Variants in DLL3 observed in about 807,000 individuals in gnomAD.
DLL3 encodes the protein delta like canonical Notch ligand 3, also known as delta-like protein 3.
DLL3 carries 49 observed loss-of-function variants against 55.0 expected under a neutral mutation model. That is an observed-to-expected ratio of 0.89 (90% CI 0.71 to 1.13). DLL3 has a LOEUF of 1.13. Among genes scored for constraint, DLL3 ranks in the 50% most tolerant of loss-of-function variants. DLL3 has a pLI of 0.00. For missense variants in DLL3, 962 were observed against 875.5 expected, an observed-to-expected ratio of 1.10 and a Z score of -1.25; for synonymous variants, 421 against 385.2, an observed-to-expected ratio of 1.09 and a Z score of -1.09.
chr19:39,499,303 A>G lies in DLL3; in HGVS notation c.181A>G (p.Arg61Gly), dbSNP rs1472639734. 4 of 1,544,120 alleles carry G rather than the reference A, an allele frequency of 2.6e-6. No homozygotes were observed. The Admixed American group carries it at 7.8e-5, about 30-fold the overall frequency. Residue 61 changes from arginine to glycine, a missense_variant, in exon 2 of 9, where the codon AGA becomes GGA. Transcript: ENST00000356433. ...CCGGCTCCCCTGCCGCCTCTTCTTC[A>G]GAGTCTGCCTGAAGCCTGGGCTCTC... is the stretch of plus-strand genomic sequence containing the variant. ...SARLPCRLFFRVCLKPGLSEE... is the reference protein window; with the variant it reads ...SARLPCRLFFGVCLKPGLSEE...
rs71647811 is a variant in DLL3, at chr19:39,499,465, G to A, written c.343G>A (p.Ala115Thr). The A allele has an allele frequency of 6.3e-6, 10 of 1,589,836 alleles. No individual in the cohort carries two copies. The highest frequency in any genetic ancestry group is 8.5e-6 in the Non-Finnish European group (10 of 1,175,870). Residue 115 changes from alanine (A) to threonine (T), a missense_variant, in exon 2 of 9, where the codon GCC becomes ACC. Ala to Thr is a moderately conservative substitution (Grantham distance 58, BLOSUM62 0). Coordinates refer to ENST00000356433, the MANE Select transcript of DLL3 (RefSeq NM_203486.3). Reference protein sequence around the residue: ...DGLLQVPFRDAWPGTFSFIIE... With the variant: ...DGLLQVPFRDTWPGTFSFIIE... ...CCTCTTGCAGGTGCCCTTCCGGGAC[G>A]CCTGGCCTGTAAGTGCTGCCCCCGG...
chr19:39,508,058 A>G, intron 8 of DLL3, 144 bp downstream of exon 8: 1 of 1,601,770 alleles, frequency 6.2e-7, no homozygotes, highest in Non-Finnish European at 8.5e-7. Flanking sequence ...TTTCAGTTCT[A>G]ACTTACTTTC....
chr19:39,503,325 C>A (rs2079622230), intron 4 of DLL3, among the ~76,000 whole-genome samples: 1 of 152,210 alleles, frequency 6.6e-6, no homozygotes, highest in Non-Finnish European at 1.5e-5. Context: ...TGCCTTGCTA[C>A]TCGAGCCCCC....
chr19:39,498,956 A>T lies in DLL3; in HGVS notation c.-19A>T, dbSNP rs1555753637. The T allele has an allele frequency of 6.2e-7, 1 of 1,609,788 alleles. No individual in the cohort carries two copies. The highest frequency in any genetic ancestry group is 8.5e-7 in the Non-Finnish European group (1 of 1,178,986). ...GAAGCCAGCAGCTGCGACTCCCGAGACCCCCCCACCAGAAGGCCATGGTCT... is the reference window on the plus strand; with the variant it reads ...GAAGCCAGCAGCTGCGACTCCCGAGTCCCCCCCACCAGAAGGCCATGGTCT... On this transcript the variant is annotated 5_prime_UTR_variant, in exon 1 of 9. Coordinates refer to ENST00000356433, the MANE Select transcript of DLL3 (RefSeq NM_203486.3).
At chr19:39,506,346 G>T (rs1453763801) in intron 6 of DLL3, among the ~76,000 whole-genome samples, 1 of 145,986 alleles carries the variant, frequency 6.8e-6, no homozygotes, top group Non-Finnish European at 1.5e-5. Context: ...CAGCCTGGAC[G>T]ACAGAGCGAG....
chr19:39,508,085 C>G, intron 8 of DLL3, 167 bp from the exon 9 acceptor site: 5 of 1,605,148 alleles, frequency 3.1e-6, no homozygotes, highest in Non-Finnish European at 4.3e-6. Context: ...TTTTGCATCC[C>G]TCTTATCGTT....
At chr19:39,507,008 A>C (rs1193881210) in intron 6 of DLL3, 31 bp from the exon 7 acceptor site, 1 of 1,530,582 alleles carries the variant, frequency 6.5e-7, no homozygotes, top group East Asian at 2.5e-5. Flanking sequence ...CGGCTCCCGG[A>C]CTGCGCCCTC....
chr19:39,505,175 A>T, intron 5 of DLL3, 54 bp from the exon 6 acceptor site: 1 of 1,577,522 alleles, frequency 6.3e-7, no homozygotes, highest in Non-Finnish European at 8.7e-7. Flanking sequence ...GAGGAGGGGG[A>T]TGGGATTTTT....
chr19:39,507,955 C>T (rs942672323), intron 8 of DLL3, 41 bp downstream of exon 8: 2 of 1,614,008 alleles, frequency 1.2e-6, no homozygotes, highest in African/African-American at 2.7e-5. Context: ...ACTGGGCGCG[C>T]TGGGCAGAGG....
In DLL3 at chr19:39,502,986, G is replaced by T. The variant is rs947027933; in HGVS notation, c.581G>T (p.Arg194Leu). ...GCGTGCACGCGCCTCTGCCGTCCGCGCAGCGCCCCCTCGCGGTGCGGTCCG... is the reference window on the plus strand; with the variant it reads ...GCGTGCACGCGCCTCTGCCGTCCGCTCAGCGCCCCCTCGCGGTGCGGTCCG... ...GTACTRLCRP[R>L]SAPSRCGPGL... is the part of the protein sequence containing the mutation. The change falls in exon 4 of 9, where the codon CGC (arginine) becomes CTC (leucine). Residue 194 changes from arginine to leucine, a missense_variant. Transcript: ENST00000356433. 4 of 1,483,720 alleles carry T rather than the reference G, an allele frequency of 2.7e-6. No individual in the cohort carries two copies. In the African/African-American group the frequency reaches 4.4e-5, roughly 16 times the overall value. 91.9% of individuals were successfully genotyped at this position (1,483,720 alleles called of 1,614,324 possible).
chr19:39,499,578 C>G, intron 2 of DLL3, 105 bp downstream of exon 2: 1 of 1,451,932 alleles, frequency 6.9e-7, no homozygotes. Flanking sequence ...TCCTGCCTCC[C>G]AGGGGGTGGA....
intron 3 of DLL3, among the ~76,000 whole-genome samples, chr19:39,502,285 G>A (rs2079614043): frequency 1.5e-5 from 2 of 136,970 alleles, no homozygotes; most frequent in Non-Finnish European, 3.3e-5. Flanking sequence ...ATTTTTTTGA[G>A]AGGGAGTCTT....
chr19:39,503,128 C>G, intron 4 of DLL3, 71 bp downstream of exon 4: 1 of 1,460,952 alleles, frequency 6.8e-7, no homozygotes, highest in South Asian at 1.3e-5. Flanking sequence ...CACTCGCGGC[C>G]CCCAGTCCCC....
chr19:39,502,298 T>G (rs371360479), intron 3 of DLL3, among the ~76,000 whole-genome samples: 2 of 152,092 alleles, frequency 1.3e-5, no homozygotes, highest in South Asian at 2.1e-4. Context: ...GGAGTCTTGC[T>G]CTGTCACCCA....
In DLL3 at chr19:39,507,021, A is replaced by T. The variant is rs748892736; in HGVS notation, c.1094-18A>T. ...CCCGGCTCCCGGACTGCGCCCTCTG[A>T]TGCTCCCTTCCCCACAGGCGGACTC... On this transcript the variant is annotated intron_variant, in intron 6 of 8. Transcript: ENST00000356433. The T allele has an allele frequency of 3.3e-6, 5 of 1,532,624 alleles. No individual in the cohort carries two copies. In the Admixed American group the frequency reaches 9.8e-5, roughly 30 times the overall value. 94.9% of individuals were successfully genotyped at this position (1,532,624 alleles called of 1,614,324 possible).
Position 39,502,951 on chromosome 19 carries a change from C to G in DLL3, c.546C>G (p.Ala182=), listed in dbSNP as rs8106337. 462,077 of 1,451,786 alleles carry G rather than the reference C, an allele frequency of 0.32. 75,995 individuals are homozygous for G. Among genetic ancestry groups the G allele is most frequent in the Middle Eastern group, 0.37 (1,534 of 4,098 alleles). The allele number at this position is 1,451,786 out of a possible 1,614,324, so 89.9% of individuals were successfully genotyped here. A position where few individuals can be genotyped will look rare whatever the true frequency, so the allele number is the denominator to read the frequency against. The change falls in exon 4 of 9, where the codon GCC becomes GCG. Residue 182 remains alanine, a synonymous_variant. Transcript: ENST00000356433. ...FSYRARCEPP[A]VGTACTRLCR... is the part of the protein sequence containing the mutation. ...ACCGCGCGCGCTGCGAGCCGCCTGC[C>G]GTCGGGACCGCGTGCACGCGCCTCT... is the stretch of plus-strand genomic sequence containing the variant.
rs765614169 is a variant in DLL3, at chr19:39,502,718, C to T, written c.410-97C>T. ...GGGCTCCATGAGGGTGTTTTGGCCT[C>T]GCTGGGAGGGGCGGGGAGAATGCGG... On this transcript the variant is annotated intron_variant, in intron 3 of 8. Coordinates refer to ENST00000356433, the MANE Select transcript of DLL3 (RefSeq NM_203486.3). The T allele has an allele frequency of 8.3e-4, 1,053 of 1,270,462 alleles. 3 individuals are homozygous for T. Among genetic ancestry groups the T allele is most frequent in the Non-Finnish European group, 9.8e-4 (986 of 1,008,628 alleles). 78.7% of individuals were successfully genotyped at this position (1,270,462 alleles called of 1,614,324 possible). A position where few individuals can be genotyped will look rare whatever the true frequency, so the allele number is the denominator to read the frequency against.
chr19:39,502,872 G>T lies in DLL3; in HGVS notation c.467G>T (p.Gly156Val). 4 of 1,416,934 alleles carry T rather than the reference G, an allele frequency of 2.8e-6. No homozygotes were observed. The highest frequency in any genetic ancestry group is 3.7e-6 in the Non-Finnish European group (4 of 1,090,430). The allele number at this position is 1,416,934 out of a possible 1,614,324, so 87.8% of individuals were successfully genotyped here. Residue 156 changes from glycine (G) to valine (V), a missense_variant, in exon 4 of 9, where the codon GGC (glycine) becomes GTC (valine). Physicochemically the swap from Gly to Val is moderately radical, Grantham distance 109. Coordinates refer to ENST00000356433, the MANE Select transcript of DLL3 (RefSeq NM_203486.3). ...GGCAGGCGGCGCTTGGCAGCCGGAG[G>T]CCCGTGGGCCCGGGACATTCAGCGC... ...VAGRRRLAAG[G>V]PWARDIQRAG...
At chr19:39,500,695 C>G in intron 3 of DLL3, 23 bp downstream of exon 3, 1 of 1,610,592 alleles carries the variant, frequency 6.2e-7, no homozygotes, top group Non-Finnish European at 8.5e-7. Flanking sequence ...AGTCTTGGGA[C>G]TGGTGGGGAG....
Sources: allele counts gnomAD v4.1 joint callset (sites outside exome capture counted in the v4.1 genomes callset), GRCh38; gene constraint gnomAD v4.1.1; transcripts MANE v1.5; gene names NCBI Gene and HGNC (gene_info 2026-07-23, HGNC 2026-07-21).